Variants in ZNF318 observed in about 807,000 individuals in gnomAD.
ZNF318 encodes the protein endocrine regulator.
In ZNF318, 51 loss-of-function variants were observed where a neutral mutation model predicts 124.2. The observed-to-expected ratio is 0.41, with a 90% CI of 0.33 to 0.52. The LOEUF (loss-of-function observed/expected upper bound fraction) is 0.52. Ranked by LOEUF, ZNF318 falls within the 20% of genes least tolerant of loss-of-function variation. ZNF318 has a pLI of 0.23. For synonymous variants in ZNF318, 1,090 were observed against 1,040.7 expected, an observed-to-expected ratio of 1.05 and a Z score of -0.91; for missense variants, 2,815 against 2,811.2, an observed-to-expected ratio of 1.00 and a Z score of -0.03.
At position 43,357,273 on chromosome 6, in the gene ZNF318, A is replaced by G. The variant is rs1391400418; in HGVS notation, c.1041T>C (p.Thr347=). The G allele has an allele frequency of 1.9e-6, 3 of 1,614,092 alleles. No homozygotes were observed. The highest frequency in any genetic ancestry group is 1.3e-5 in the African/African-American group (1 of 74,928). ...CTGACAATCCAGGGATGGAACAGCC[A>G]GTACCACCACCATCAACTCCAACCA... ...QELVGVDGGG[T]GCSIPGLSGV... Residue 347 remains threonine (T), a synonymous_variant, in exon 3 of 10, where the codon ACT becomes ACC. Transcript: ENST00000361428.
chr6:43,348,383 C>T lies in ZNF318; in HGVS notation c.3013G>A (p.Ala1005Thr). 1 of 1,613,420 alleles carries T rather than the reference C, an allele frequency of 6.2e-7. No individual in the cohort carries two copies. The highest frequency in any genetic ancestry group is 8.5e-7 in the Non-Finnish European group (1 of 1,179,880). The change falls in exon 6 of 10, where the codon GCA (alanine) becomes ACA (threonine). Residue 1005 changes from alanine (A) to threonine (T), a missense_variant. By Grantham distance (58) the Ala-to-Thr change is moderately conservative. Around this residue, in one of 4 missense-constraint regions of ZNF318, gnomAD observed 1,377 missense variants for 1,353.5 expected, o/e 1.02. Transcript: ENST00000361428. ...TTTTCTGGGCTCTTAGATTTTTCTG[C>T]TTTCCCAGGCTTCTCTGTAGGCTCT... The part of the protein sequence containing the change: ...SREPTEKPGK[A>T]EKSKSPEKVS...
chr6:43,347,461 T>C (rs780434604), intron 6 of ZNF318, among the ~76,000 whole-genome samples: 2 of 152,228 alleles, frequency 1.3e-5, no homozygotes, highest in Non-Finnish European at 2.9e-5. Context: ...TGATTGCATA[T>C]GGAGCAGTTA....
intron 2 of ZNF318, among the ~76,000 whole-genome samples, chr6:43,359,532 A>G (rs1422540887): frequency 2.0e-5 from 3 of 152,232 alleles, no homozygotes; most frequent in Admixed American, 6.5e-5. Context: ...CTCACATTCC[A>G]GAGTGAATTA....
At chr6:43,357,883 A>C in intron 2 of ZNF318, 118 bp from the exon 3 acceptor site, 1 of 900,678 alleles carries the variant, frequency 1.1e-6, no homozygotes, top group Non-Finnish European at 1.7e-6. Context: ...AAAGACTATA[A>C]TCATGAAGTC....
rs547231915 is a variant in ZNF318, at chr6:43,343,424, T to C, written c.3073-545A>G. Among the ~76,000 whole-genome samples, 7 of 152,288 alleles carry C rather than the reference T, an allele frequency of 4.6e-5. 1 individual carries two copies. The highest frequency in any genetic ancestry group is 4.1e-4 in the South Asian group (2 of 4,822). On this transcript the variant is annotated intron_variant, in intron 6 of 9. Transcript: ENST00000361428. ...AACTGGAGAGAAGGGTTGGTGTACATAGATAAAGTAGACTATACAACTACA... is the reference window on the plus strand; with the variant it reads ...AACTGGAGAGAAGGGTTGGTGTACACAGATAAAGTAGACTATACAACTACA...
Position 43,354,923 on chromosome 6 carries a change from A to G in ZNF318, c.2411T>C (p.Met804Thr), listed in dbSNP as rs762634799. 1.9e-6 allele frequency: 3 copies of G among 1,611,584 alleles called. No individual in the cohort carries two copies. The change falls in exon 4 of 10, where the codon ATG becomes ACG. Residue 804 changes from methionine to threonine, a missense_variant. Around this residue, in one of 4 missense-constraint regions of ZNF318, gnomAD observed 1,377 missense variants for 1,353.5 expected, o/e 1.02. Transcript: ENST00000361428. ...GTTTGACGGTTGAGAGGTGGGATAC[A>G]TGGGCCATCTGGAGGCTGCATATGC... ...YMAYAASRWP[M>T]YPTSQPSNHP...
rs1779540867 is a variant in ZNF318 at position 43,352,311 on chromosome 6, G to A, written c.2770+66C>T. The A allele has an allele frequency of 4.7e-6, 5 of 1,072,948 alleles. No individual in the cohort carries two copies. In the South Asian group the frequency reaches 5.2e-5, roughly 11 times the overall value. The allele number at this position is 1,072,948 out of a possible 1,614,324, so 66.5% of individuals were successfully genotyped here. Reference sequence around the variant, plus strand: ...GTTTCAGGTTACTGAACCTGTGTGAGAGTACCAAATTTGGGTCTCCTACGC... The same window carrying A: ...GTTTCAGGTTACTGAACCTGTGTGAAAGTACCAAATTTGGGTCTCCTACGC... On this transcript the variant is annotated intron_variant, in intron 5 of 9. Coordinates refer to ENST00000361428, the MANE Select transcript of ZNF318 (RefSeq NM_014345.3).
intron 1 of ZNF318, chr6:43,368,575 A>G (rs1011256994): frequency 1.2e-6 from 1 of 809,952 alleles, no homozygotes; most frequent in African/African-American, 1.9e-5. Context: ...TTTTCCCCTA[A>G]GATCCAGGAA....
At chr6:43,346,338 G>A (rs1252142076) in intron 6 of ZNF318, among the ~76,000 whole-genome samples, 5 of 151,652 alleles carry the variant, frequency 3.3e-5, no homozygotes, top group Admixed American at 6.6e-5. Flanking sequence ...AAAATTAGCC[G>A]GGCGTGGTGG....
At position 43,342,238 on chromosome 6, in the gene ZNF318, C is replaced by T. The variant is rs745325907; in HGVS notation, c.3277-27G>A. 2.6e-6 allele frequency: 4 copies of T among 1,544,520 alleles called. No individual in the cohort carries two copies. The South Asian group carries it at 3.5e-5, about 14-fold the overall frequency. On this transcript the variant is annotated intron_variant, in intron 7 of 9. Transcript: ENST00000361428. ...TATTTGTAAGAGGCAGAGGTGCTCA[C>T]ACAACAGCACTAAAAGCTCAATGAC...
intron 1 of ZNF318, among the ~76,000 whole-genome samples, chr6:43,367,117 T>C (rs1004002871): frequency 2.0e-5 from 3 of 152,230 alleles, no homozygotes; most frequent in Admixed American, 6.5e-5. Context: ...CCCAAAGTGC[T>C]GGGATTACAG....
intron 5 of ZNF318, among the ~76,000 whole-genome samples, chr6:43,351,013 T>C (rs569289061): frequency 2.0e-5 from 3 of 152,268 alleles, no homozygotes; most frequent in South Asian, 4.1e-4. Context: ...GACACCACCT[T>C]AACCAAATAA....
Position 43,338,562 on chromosome 6 carries a change from GTTCAAATTAGA to G in ZNF318, c.5425_5435del (p.Ser1809ProfsTer20). 1 of 1,614,132 alleles carries G rather than the reference GTTCAAATTAGA, an allele frequency of 6.2e-7. No individual in the cohort carries two copies. Among genetic ancestry groups the G allele is most frequent in the African/African-American group, 1.3e-5 (1 of 75,020 alleles). The stretch of plus-strand genomic sequence containing the variant: ...CCTCCCACATGTATCTGTTTCCATG[GTTCAAATTAGA>G]ATCATCTATGCTGTGGGGTCCAATG... On this transcript the variant is annotated frameshift_variant, in exon 10 of 10. Coordinates refer to ENST00000361428, the MANE Select transcript of ZNF318 (RefSeq NM_014345.3). LOFTEE classifies it low-confidence loss of function (END_TRUNC).
Position 43,342,192 on chromosome 6 carries a change from C to G in ZNF318, c.3296G>C (p.Arg1099Thr). 6.2e-7 allele frequency: 1 copy of G among 1,613,206 alleles called. No homozygotes were observed. Among genetic ancestry groups the G allele is most frequent in the Non-Finnish European group, 8.5e-7 (1 of 1,179,588 alleles). ...KHTQTLDPYNRPWASKTQSEA... is the reference protein window; with the variant it reads ...KHTQTLDPYNTPWASKTQSEA... ...ACTCTGGGTCTTTGAAGCCCAAGGT[C>G]TGTTGTAGGGATCCAGTGTCTATTT... is the stretch of plus-strand genomic sequence containing the variant. The change falls in exon 8 of 10, where the codon AGA becomes ACA. Residue 1099 changes from arginine (R) to threonine (T), a missense_variant. Arg to Thr is a moderately conservative substitution (Grantham distance 71). Coordinates refer to ENST00000361428, the MANE Select transcript of ZNF318 (RefSeq NM_014345.3).
chr6:43,354,525 T>C (rs1411324266), intron 4 of ZNF318, 139 bp downstream of exon 4: 3 of 743,312 alleles, frequency 4.0e-6, no homozygotes, highest in Non-Finnish European at 6.6e-6. Context: ...CAATATACAC[T>C]TCTTAGGATG....
At chr6:43,357,879 T>TATA (rs1779631468) in intron 2 of ZNF318, 114 bp from the exon 3 acceptor site, 1 of 945,068 alleles carries the variant, frequency 1.1e-6, no homozygotes, top group East Asian at 2.4e-5. Context: ...GGCAAAAGAC[T>TATA]ATAATCATGA....
In ZNF318 at chr6:43,337,208, T is replaced by C. The variant is rs757598093; in HGVS notation, c.6790A>G (p.Thr2264Ala). Residue 2264 changes from threonine to alanine, a missense_variant, in exon 10 of 10, where the codon ACT becomes GCT. By Grantham distance (58) the Thr-to-Ala change is moderately conservative. Transcript: ENST00000361428. ...MVPQGMPEQE[T>A]TVGAIQDHTE... ...TGGTCCTGGATGGCACCAACTGTAG[T>C]TTCCTGTTCAGGCATTCCCTGAGGG... is the stretch of plus-strand genomic sequence containing the variant. 3 of 1,613,412 alleles carry C rather than the reference T, an allele frequency of 1.9e-6. No homozygotes were observed. The highest frequency in any genetic ancestry group is 1.7e-5 in the Admixed American group (1 of 59,960).
At position 43,355,380 on chromosome 6, in the gene ZNF318, A is replaced by C; in HGVS notation, c.1954T>G (p.Phe652Val). The C allele has an allele frequency of 6.2e-7, 1 of 1,614,182 alleles. No individual in the cohort carries two copies. Among genetic ancestry groups the C allele is most frequent in the Non-Finnish European group, 8.5e-7 (1 of 1,180,026 alleles). Residue 652 changes from phenylalanine (F) to valine (V), a missense_variant, in exon 4 of 10, where the codon TTC becomes GTC. This residue lies in a region of ZNF318 where 1,377 missense variants were observed against 1,353.5 expected (regional missense o/e 1.02). Coordinates refer to ENST00000361428, the MANE Select transcript of ZNF318 (RefSeq NM_014345.3). Reference protein sequence around the residue: ...ADHCSSVDHRFSADRCSSVDH... With the variant: ...ADHCSSVDHRVSADRCSSVDH... ...ACTGAGGAACAGCGGTCAGCTGAGA[A>C]GCGGTGGTCAACTGAGGAACAGTGG...
At chr6:43,348,914 ATTC>A (rs1164756468) in intron 5 of ZNF318, among the ~76,000 whole-genome samples, 1 of 152,138 alleles carries the variant, frequency 6.6e-6, no homozygotes, top group African/African-American at 2.4e-5. Context: ...GGCGCCTGTA[ATTC>A]TATTTACCCG....
Sources: allele counts gnomAD v4.1 joint callset (sites outside exome capture counted in the v4.1 genomes callset), GRCh38; gene constraint gnomAD v4.1.1; regional missense constraint gnomAD v4.1.1; transcripts MANE v1.5; gene names NCBI Gene and HGNC (gene_info 2026-07-23, HGNC 2026-07-21).